The following RGS18 variants were observed in gnomAD, a reference collection of about 807,000 sequenced individuals.
RGS18 encodes regulator of G protein signaling 18, also known as regulator of G-protein signaling 18.
A neutral mutation model predicts 27.6 loss-of-function variants in RGS18; 22 were observed. That is an observed-to-expected ratio of 0.80 (90% CI 0.57 to 1.14). RGS18 has a LOEUF of 1.14. Among genes scored for constraint, RGS18 ranks in the 50% most tolerant of loss-of-function variants. The probability of loss-of-function intolerance (pLI) is 0.00; values close to 1 mark genes in which losing one functional copy is unlikely to be tolerated. For missense variants in RGS18, 299 were observed against 269.6 expected (o/e 1.11, Z -0.76); for synonymous variants, 89 against 84.6 (o/e 1.05, Z -0.29).
intron 3 of RGS18, among the ~76,000 whole-genome samples, chr1:192,170,357 C>A (rs915639180): frequency 6.6e-6 from 1 of 152,022 alleles, no homozygotes; most frequent in African/African-American, 2.4e-5. Flanking sequence ...AGCGAGTTAT[C>A]ATTCTTTTAG....
chr1:192,164,851 A>G (rs989193848), intron 3 of RGS18, among the ~76,000 whole-genome samples: 1 of 152,144 alleles, frequency 6.6e-6, no homozygotes, highest in Non-Finnish European at 1.5e-5. Context: ...CTGAGGATGT[A>G]TGTTGCCTCA....
At chr1:192,160,705 GATTT>G (rs1656054724) in intron 3 of RGS18, 3 of 376,960 alleles carry the variant, frequency 8.0e-6, no homozygotes, top group Non-Finnish European at 1.4e-5. Context: ...AAATTTTTCC[GATTT>G]TTGAATGAAA....
chr1:192,184,289 T>C lies in RGS18; in HGVS notation c.451-8T>C. ...AACTATAATCACACTTTTTTTCTGT[T>C]TATCCAGGTTAACCTTGATTTTCAC... On this transcript the variant is annotated splice_region_variant and splice_polypyrimidine_tract_variant and intron_variant, in intron 4 of 4. Transcript: ENST00000367460. The C allele has an allele frequency of 6.2e-7, 1 of 1,602,466 alleles. No individual in the cohort carries two copies. The highest frequency in any genetic ancestry group is 8.5e-7 in the Non-Finnish European group (1 of 1,171,450).
At chr1:192,171,663 T>C (rs1656259414) in intron 3 of RGS18, among the ~76,000 whole-genome samples, 1 of 152,000 alleles carries the variant, frequency 6.6e-6, no homozygotes, top group Non-Finnish European at 1.5e-5. Flanking sequence ...ACTATAAAGC[T>C]TAGGAATTTC....
chr1:192,159,215 T>G lies in RGS18; in HGVS notation c.120-5T>G. ...TGTCCTGACATGAAGGCCTTTTTAT[T>G]ACAGAGCTAAGGAAAAAAGAAATAG... On this transcript the variant is annotated splice_region_variant and splice_polypyrimidine_tract_variant and intron_variant, in intron 1 of 4. Transcript: ENST00000367460. 1 of 1,603,194 alleles carries G rather than the reference T, an allele frequency of 6.2e-7. No homozygotes were observed. The highest frequency in any genetic ancestry group is 8.5e-7 in the Non-Finnish European group (1 of 1,170,624).
In RGS18 at chr1:192,160,613, T is replaced by G. The variant is rs1656053180; in HGVS notation, c.283+174T>G. On this transcript the variant is annotated intron_variant, in intron 3 of 4. Coordinates refer to ENST00000367460, the MANE Select transcript of RGS18 (RefSeq NM_130782.3). ...TAGAAAAGTCAAATAATGGAAATTT[T>G]TTTAAAAGTTCTCATTTTGTTTAGA... 5 of 507,794 alleles carry G rather than the reference T, an allele frequency of 9.8e-6. No homozygotes were observed. In the South Asian group the frequency reaches 1.4e-4, roughly 14 times the overall value. 31.5% of individuals were successfully genotyped at this position (507,794 alleles called of 1,614,324 possible).
chr1:192,174,253 T>G (rs1656319027), intron 3 of RGS18, among the ~76,000 whole-genome samples: 1 of 151,844 alleles, frequency 6.6e-6, no homozygotes, highest in Non-Finnish European at 1.5e-5. Context: ...TTTTTATCTA[T>G]GTTACTAGTG....
At position 192,177,644 on chromosome 1, in the gene RGS18, A is replaced by G. The variant is rs376895661; in HGVS notation, c.284-3648A>G. ...CCAACTCGTTCTTTAGAGATTGGTG[A>G]AGTCTTTCCGGACAAGATGAAGTGT... On this transcript the variant is annotated intron_variant, in intron 3 of 4. Coordinates refer to ENST00000367460, the MANE Select transcript of RGS18 (RefSeq NM_130782.3). 6.6e-5 allele frequency among the ~76,000 whole-genome samples: 10 copies of G among 151,856 alleles called. No individual in the cohort carries two copies. The South Asian group carries it at 2.1e-3, about 31-fold the overall frequency.
At position 192,158,722 on chromosome 1, in the gene RGS18, G is replaced by A; in HGVS notation, c.85G>A (p.Gly29Arg). The A allele has an allele frequency of 4.4e-6, 7 of 1,574,716 alleles. No homozygotes were observed. Among genetic ancestry groups the A allele is most frequent in the Non-Finnish European group, 6.0e-6 (7 of 1,165,130 alleles). The change falls in exon 1 of 5, where the codon GGA (glycine) becomes AGA (arginine). Residue 29 changes from glycine to arginine, a missense_variant. Physicochemically the swap from Gly to Arg is moderately radical, Grantham distance 125. Coordinates refer to ENST00000367460, the MANE Select transcript of RGS18 (RefSeq NM_130782.3). The part of the protein sequence containing the change: ...KTFFKLIHGS[G>R]KEETSKEAKI... ...TTTTTTCAAGTTAATACATGGTTCA[G>A]GAAAAGAAGAAACAAGCAAAGAAGC...
intron 3 of RGS18, among the ~76,000 whole-genome samples, chr1:192,180,139 A>C (rs975383923): frequency 2.6e-5 from 4 of 151,628 alleles, no homozygotes; most frequent in Non-Finnish European, 5.9e-5. Context: ...CTTAAGGTTG[A>C]ATCCAAAGTC....
chr1:192,168,190 G>T (rs896728959), intron 3 of RGS18: 2 of 152,124 alleles, frequency 1.3e-5, no homozygotes, highest in African/African-American at 4.8e-5. Flanking sequence ...ACTTAATGCA[G>T]CTGCCCAAAG....
chr1:192,176,536 G>T (rs1265359107), intron 3 of RGS18, among the ~76,000 whole-genome samples: 2 of 151,632 alleles, frequency 1.3e-5, no homozygotes, highest in African/African-American at 4.8e-5. Flanking sequence ...ATTTGTGGTA[G>T]GAGGACAAGC....
At chr1:192,165,524 C>T (rs143468218) in intron 3 of RGS18, among the ~76,000 whole-genome samples, 1,531 of 152,250 alleles carry the variant, frequency 0.01, 23 homozygotes, top group African/African-American at 0.034. Flanking sequence ...GGGGGCATCA[C>T]GGAACCTGCC....
chr1:192,183,859 A>G (rs1656496607), intron 4 of RGS18, among the ~76,000 whole-genome samples: 1 of 151,686 alleles, frequency 6.6e-6, no homozygotes, highest in African/African-American at 2.4e-5. Context: ...TCTGCAGGCT[A>G]TACAGGAAGC....
intron 3 of RGS18, among the ~76,000 whole-genome samples, chr1:192,165,177 G>A (rs12145398): frequency 0.026 from 4,027 of 152,260 alleles, 72 homozygotes; most frequent in Non-Finnish European, 0.04. Context: ...GCTTTATGCC[G>A]TTGTAGGTAG....
At chr1:192,179,212 T>C (rs933742641) in intron 3 of RGS18, among the ~76,000 whole-genome samples, 4 of 151,670 alleles carry the variant, frequency 2.6e-5, no homozygotes, top group Non-Finnish European at 5.9e-5. Flanking sequence ...GAAGTCCAGA[T>C]GGGACTCATG....
Position 192,184,118 on chromosome 1 carries a change from A to G in RGS18, c.451-179A>G, listed in dbSNP as rs141349340. ...ATCCAATAACTGCCCACCAGGCTCC[A>G]CCTCCAATGCTGGGGATTACAATTA... On this transcript the variant is annotated intron_variant, in intron 4 of 4. Coordinates refer to ENST00000367460, the MANE Select transcript of RGS18 (RefSeq NM_130782.3). 4.2e-3 allele frequency among the ~76,000 whole-genome samples: 632 copies of G among 151,652 alleles called. 5 individuals carry two copies. Among genetic ancestry groups the G allele is most frequent in the African/African-American group, 0.014 (582 of 41,458 alleles).
intron 3 of RGS18, chr1:192,168,623 T>A (rs1160727548): frequency 6.6e-6 from 1 of 152,222 alleles, no homozygotes; most frequent in Admixed American, 6.6e-5. Flanking sequence ...AGACTTCTAT[T>A]TGAATTTTAT....
chr1:192,158,627 T>C lies in RGS18; in HGVS notation c.-11T>C, dbSNP rs376903065. ...GTAATAAATTAGACATCTCTTCATT[T>C]TAGAGAGAAGATGGAAACAACATTG... On this transcript the variant is annotated 5_prime_UTR_variant, in exon 1 of 5. Coordinates refer to ENST00000367460, the MANE Select transcript of RGS18 (RefSeq NM_130782.3). 1.4e-5 allele frequency: 22 copies of C among 1,540,394 alleles called. No homozygotes were observed. In the East Asian group the frequency reaches 4.2e-4, roughly 29 times the overall value.
Sources: gnomAD v4.1 joint callset for allele counts (sites outside exome capture counted in the v4.1 genomes callset) on GRCh38, gnomAD v4.1.1 for gene constraint, MANE v1.5 for transcripts, NCBI Gene and HGNC (gene_info 2026-07-23, HGNC 2026-07-21) for gene names.